ZMAT4: variants seen among roughly 807,000 people sequenced by gnomAD.
The protein encoded by ZMAT4 is zinc finger matrin-type protein 4.
ZMAT4 carries 17 observed loss-of-function variants against 28.7 expected under a neutral mutation model. The ratio of observed to expected loss-of-function variants is 0.59; its 90% CI spans 0.41 to 0.89. The LOEUF is 0.89. Ranked by LOEUF, ZMAT4 falls within the 40% of genes least tolerant of loss-of-function variation. The pLI is 0.00. For missense variants in ZMAT4, 240 were observed against 283.8 expected, an observed-to-expected ratio of 0.85 and a Z score of 1.11; for synonymous variants, 117 against 109.2, an observed-to-expected ratio of 1.07 and a Z score of -0.44.
intron 2 of ZMAT4, among the ~76,000 whole-genome samples, chr8:40,799,571 A>G (rs988486662): frequency 6.6e-6 from 1 of 152,248 alleles, no homozygotes; most frequent in Non-Finnish European, 1.5e-5. Flanking sequence ...CAGATATTTT[A>G]AAAATTTAAA....
At chr8:40,894,485 G>A (rs1818802437) in intron 1 of ZMAT4, among the ~76,000 whole-genome samples, 1 of 152,134 alleles carries the variant, frequency 6.6e-6, no homozygotes, top group African/African-American at 2.4e-5. Flanking sequence ...TACATGTAGG[G>A]TGAATGGAGG....
At chr8:40,554,275 C>CAACT (rs1442770887) in intron 6 of ZMAT4, among the ~76,000 whole-genome samples, 2 of 152,194 alleles carry the variant, frequency 1.3e-5, no homozygotes, top group East Asian at 3.9e-4. Context: ...AGATTACCAC[C>CAACT]AACTTCTGCT....
In ZMAT4 at chr8:40,746,250, TCCC is replaced by T. The variant is rs1563454030; in HGVS notation, c.192+21388_192+21390del. On this transcript the variant is annotated intron_variant, in intron 3 of 6. Coordinates refer to ENST00000297737, the MANE Select transcript of ZMAT4 (RefSeq NM_024645.3). ...CTCCCTCCCTCCCTCCCTCCCTCCC[TCCC>T]TCCCTCCCTCCCTTCCTTCCTTTCT... Among the ~76,000 whole-genome samples, 16 of 66,040 alleles carry T rather than the reference TCCC, an allele frequency of 2.4e-4. 1 individual carries two copies. Among genetic ancestry groups the T allele is most frequent in the Middle Eastern group, 0.012 (1 of 84 alleles). 43.3% of individuals were successfully genotyped at this position (66,040 alleles called of 152,430 possible).
At chr8:40,576,368 G>A (rs1193214849) in intron 6 of ZMAT4, among the ~76,000 whole-genome samples, 2 of 151,354 alleles carry the variant, frequency 1.3e-5, no homozygotes, top group Non-Finnish European at 2.9e-5. Flanking sequence ...GGCATATTAC[G>A]GTCAAACTGT....
chr8:40,855,922 C>T (rs1013415098), intron 1 of ZMAT4, among the ~76,000 whole-genome samples: 2 of 151,910 alleles, frequency 1.3e-5, no homozygotes, highest in African/African-American at 4.8e-5. Flanking sequence ...AACTCCTGAG[C>T]TCAAGCGATC....
chr8:40,761,485 C>A (rs1274518590), intron 3 of ZMAT4, among the ~76,000 whole-genome samples: 1 of 152,064 alleles, frequency 6.6e-6, no homozygotes, highest in Non-Finnish European at 1.5e-5. Flanking sequence ...AAGCTTTTGC[C>A]TTGGGGAAGC....
At chr8:40,688,318 T>C (rs1361077418) in intron 4 of ZMAT4, among the ~76,000 whole-genome samples, 1 of 151,940 alleles carries the variant, frequency 6.6e-6, no homozygotes, top group Non-Finnish European at 1.5e-5. Flanking sequence ...TAGCTGAGTG[T>C]ATTGGCATGC....
At chr8:40,761,505 G>A (rs992663884) in intron 3 of ZMAT4, among the ~76,000 whole-genome samples, 10 of 152,018 alleles carry the variant, frequency 6.6e-5, no homozygotes, top group African/African-American at 2.2e-4. Flanking sequence ...CCATTGTTAA[G>A]CACTCCAGCT....
At chr8:40,564,318 T>C (rs1485714958) in intron 6 of ZMAT4, among the ~76,000 whole-genome samples, 1 of 152,100 alleles carries the variant, frequency 6.6e-6, no homozygotes, top group African/African-American at 2.4e-5. Flanking sequence ...GAAGCAGGTG[T>C]TATTTCTACA....
chr8:40,533,472 C>G (rs796445031), intron 6 of ZMAT4, among the ~76,000 whole-genome samples: 2 of 152,322 alleles, frequency 1.3e-5, no homozygotes, highest in East Asian at 3.9e-4. Context: ...GCAGGTTAGA[C>G]TCTTTTCACA....
chr8:40,758,646 C>T lies in ZMAT4; in HGVS notation c.192+8995G>A, dbSNP rs553726736. Among the ~76,000 whole-genome samples the T allele has an allele frequency of 2.6e-5, 4 of 152,108 alleles. No individual in the cohort carries two copies. In the South Asian group the frequency reaches 8.3e-4, roughly 32 times the overall value. On this transcript the variant is annotated intron_variant, in intron 3 of 6. Transcript: ENST00000297737. Reference sequence around the variant, plus strand: ...AAAATTACTTATTATGAAAAAAATACTAAATAGAAAGAAGAAGAAAAGCTG... The same window carrying T: ...AAAATTACTTATTATGAAAAAAATATTAAATAGAAAGAAGAAGAAAAGCTG...
At chr8:40,622,003 AT>A (rs1806218807) in intron 5 of ZMAT4, among the ~76,000 whole-genome samples, 1 of 152,250 alleles carries the variant, frequency 6.6e-6, no homozygotes, top group South Asian at 2.1e-4. Flanking sequence ...AAAAATAGGC[AT>A]TCCATTTCAA....
intron 3 of ZMAT4, among the ~76,000 whole-genome samples, chr8:40,737,078 G>A (rs1174216370): frequency 2.0e-5 from 3 of 152,202 alleles, no homozygotes; most frequent in Admixed American, 1.3e-4. Context: ...GGTGGTGATT[G>A]AAGCCACTGC....
chr8:40,560,971 C>T (rs1803718857), intron 6 of ZMAT4, among the ~76,000 whole-genome samples: 1 of 151,994 alleles, frequency 6.6e-6, no homozygotes, highest in Non-Finnish European at 1.5e-5. Context: ...TATTAGTCCC[C>T]AAAAAACCCT....
At chr8:40,716,941 C>A (rs1018607001) in intron 3 of ZMAT4, among the ~76,000 whole-genome samples, 3 of 152,148 alleles carry the variant, frequency 2.0e-5, no homozygotes, top group African/African-American at 7.2e-5. Flanking sequence ...CCTCCTGTTC[C>A]CTGGACGCTA....
At chr8:40,888,792 T>A (rs1818562926) in intron 1 of ZMAT4, among the ~76,000 whole-genome samples, 1 of 152,238 alleles carries the variant, frequency 6.6e-6, no homozygotes, top group South Asian at 2.1e-4. Context: ...GGGCCCGCAG[T>A]ACCCAAAGTC....
chr8:40,770,650 C>T (rs1214152782), intron 2 of ZMAT4, among the ~76,000 whole-genome samples: 4 of 149,842 alleles, frequency 2.7e-5, no homozygotes, highest in South Asian at 2.1e-4. Context: ...CAGGTTCAAG[C>T]AATTATCCTG....
intron 3 of ZMAT4, among the ~76,000 whole-genome samples, chr8:40,754,042 C>T (rs867252975): frequency 1.1e-4 from 16 of 152,014 alleles, no homozygotes; most frequent in Middle Eastern, 3.4e-3. Context: ...CATGGTGGCA[C>T]ACGCCTGTAG....
At chr8:40,580,605 G>A (rs567878036) in intron 6 of ZMAT4, among the ~76,000 whole-genome samples, 123 of 152,118 alleles carry the variant, frequency 8.1e-4, no homozygotes, top group Non-Finnish European at 1.5e-3. Flanking sequence ...AAATATAGGT[G>A]AAATGGTGCC....
Sources: gnomAD v4.1 joint callset for allele counts (sites outside exome capture counted in the v4.1 genomes callset) on GRCh38, gnomAD v4.1.1 for gene constraint, MANE v1.5 for transcripts, NCBI Gene and HGNC (gene_info 2026-07-23, HGNC 2026-07-21) for gene names.